Variants in PRKCE observed in about 807,000 individuals in gnomAD.
PRKCE encodes the protein protein kinase C epsilon.
Under a neutral mutation model 85.4 loss-of-function variants are expected in PRKCE, and 16 were observed. That is an observed-to-expected ratio of 0.19 (90% CI 0.13 to 0.28). The LOEUF is 0.28. Among genes scored for constraint, PRKCE ranks in the 10% least tolerant of loss-of-function variants. The pLI is 1.00. For missense variants in PRKCE, 573 were observed against 975.2 expected, an observed-to-expected ratio of 0.59 and a Z score of 5.49; for synonymous variants, 388 against 371.5, an observed-to-expected ratio of 1.04 and a Z score of -0.51.
At chr2:46,132,595 G>A (rs1037554065) in intron 11 of PRKCE, among the ~76,000 whole-genome samples, 2 of 152,146 alleles carry the variant, frequency 1.3e-5, no homozygotes, top group Non-Finnish European at 1.5e-5. Context: ...GGCCTCATTC[G>A]CCTGAGCCTG....
intron 6 of PRKCE, among the ~76,000 whole-genome samples, chr2:45,996,659 G>A (rs1214995919): frequency 6.6e-6 from 1 of 151,944 alleles, no homozygotes; most frequent in Non-Finnish European, 1.5e-5. Flanking sequence ...TTCAAATGTT[G>A]AACCAGCCTT....
At chr2:46,058,614 A>T (rs945868767) in intron 10 of PRKCE, among the ~76,000 whole-genome samples, 1 of 152,152 alleles carries the variant, frequency 6.6e-6, no homozygotes, top group Non-Finnish European at 1.5e-5. Context: ...GGAGTGTCGG[A>T]CTACTCACCA....
chr2:45,858,805 C>G (rs994047743), intron 2 of PRKCE, among the ~76,000 whole-genome samples: 2 of 152,208 alleles, frequency 1.3e-5, no homozygotes, highest in Admixed American at 1.3e-4. Context: ...CTTTGGGAGG[C>G]CAAGGCGGGC....
chr2:45,779,659 A>G (rs1344049238), intron 1 of PRKCE, among the ~76,000 whole-genome samples: 5 of 151,980 alleles, frequency 3.3e-5, no homozygotes, highest in African/African-American at 9.7e-5. Context: ...CCCAGAAAAC[A>G]TGATTAATAG....
At chr2:46,124,573 A>T (rs1398298326) in intron 11 of PRKCE, among the ~76,000 whole-genome samples, 1 of 152,100 alleles carries the variant, frequency 6.6e-6, no homozygotes, top group African/African-American at 2.4e-5. Flanking sequence ...TTCATTCCCC[A>T]GTTAGAGACC....
intron 10 of PRKCE, among the ~76,000 whole-genome samples, chr2:46,011,995 C>A (rs1172917442): frequency 6.6e-6 from 1 of 152,144 alleles, no homozygotes; most frequent in Non-Finnish European, 1.5e-5. Context: ...CCTTTTTCTG[C>A]ACAAGTATAA....
chr2:45,947,317 G>T (rs1444867107), intron 2 of PRKCE, among the ~76,000 whole-genome samples: 1 of 152,204 alleles, frequency 6.6e-6, no homozygotes, highest in African/African-American at 2.4e-5. Flanking sequence ...AGGGGGTGGG[G>T]GAGAGAGGCA....
At chr2:45,969,947 C>T (rs529097204) in intron 2 of PRKCE, among the ~76,000 whole-genome samples, 8 of 152,228 alleles carry the variant, frequency 5.3e-5, no homozygotes, top group African/African-American at 1.4e-4. Flanking sequence ...AGACCATTGG[C>T]CTAATAGTAG....
chr2:45,888,056 C>T lies in PRKCE; in HGVS notation c.412+44993C>T, dbSNP rs146421865. ...GATCATTAGAAATGGACCTAGATTT[C>T]CAGAGTCAGCAGATGAAAACAGAAC... On this transcript the variant is annotated intron_variant, in intron 2 of 14. Transcript: ENST00000306156. Among the ~76,000 whole-genome samples the T allele has an allele frequency of 3.6e-3, 542 of 152,284 alleles. 3 individuals carry two copies. Among genetic ancestry groups the T allele is most frequent in the African/African-American group, 0.012 (517 of 41,542 alleles).
At chr2:45,955,307 T>G (rs1033335587) in intron 2 of PRKCE, among the ~76,000 whole-genome samples, 5 of 151,910 alleles carry the variant, frequency 3.3e-5, no homozygotes, top group African/African-American at 1.2e-4. Flanking sequence ...AATGAGAAGT[T>G]TGGAGGGAGG....
Position 46,097,737 on chromosome 2 carries a change from A to T in PRKCE, c.1592+11375A>T, listed in dbSNP as rs114915512. ...CATATAGATGAAGAGCTTGTCCCCTACTAAAGGAATGCCAAATACCAGCAT... is the reference window on the plus strand; with the variant it reads ...CATATAGATGAAGAGCTTGTCCCCTTCTAAAGGAATGCCAAATACCAGCAT... On this transcript the variant is annotated intron_variant, in intron 11 of 14. Coordinates refer to ENST00000306156, the MANE Select transcript of PRKCE (RefSeq NM_005400.3). Among the ~76,000 whole-genome samples, 370 of 152,282 alleles carry T rather than the reference A, an allele frequency of 2.4e-3. 1 individual carries two copies. Among genetic ancestry groups the T allele is most frequent in the African/African-American group, 8.4e-3 (349 of 41,570 alleles).
At chr2:45,842,608 G>A (rs2105483499) in intron 1 of PRKCE, among the ~76,000 whole-genome samples, 1 of 152,272 alleles carries the variant, frequency 6.6e-6, no homozygotes, top group South Asian at 2.1e-4. Flanking sequence ...CAACATCATT[G>A]ATGACATTTG....
At chr2:46,161,788 A>G (rs112859942) in intron 14 of PRKCE, among the ~76,000 whole-genome samples, 4,272 of 152,226 alleles carry the variant, frequency 0.028, 239 homozygotes, top group African/African-American at 0.098. Flanking sequence ...TCCCTGAGGT[A>G]TAGCAGATTC....
At chr2:45,740,249 T>C (rs914150304) in intron 1 of PRKCE, among the ~76,000 whole-genome samples, 2 of 152,000 alleles carry the variant, frequency 1.3e-5, no homozygotes, top group African/African-American at 4.8e-5. Flanking sequence ...ACTGGAGCAG[T>C]GAAGCTGTGC....
At chr2:45,941,135 C>T (rs953822153) in intron 2 of PRKCE, among the ~76,000 whole-genome samples, 5 of 149,062 alleles carry the variant, frequency 3.4e-5, no homozygotes, top group Non-Finnish European at 5.9e-5. Context: ...ATATACTAAC[C>T]GAAAGAGGGC....
chr2:46,169,576 T>C (rs1678688619), intron 14 of PRKCE, among the ~76,000 whole-genome samples: 1 of 152,126 alleles, frequency 6.6e-6, no homozygotes, highest in African/African-American at 2.4e-5. Context: ...CTATGAAATA[T>C]ATTTGCCTTA....
At chr2:45,664,815 A>C (rs1391480048) in intron 1 of PRKCE, among the ~76,000 whole-genome samples, 2 of 152,228 alleles carry the variant, frequency 1.3e-5, no homozygotes, top group Non-Finnish European at 2.9e-5. Flanking sequence ...CTGAGGCTTA[A>C]GGCTTTTTTT....
chr2:45,750,032 TC>T (rs1683425272), intron 1 of PRKCE, among the ~76,000 whole-genome samples: 1 of 152,232 alleles, frequency 6.6e-6, no homozygotes, highest in Non-Finnish European at 1.5e-5. Flanking sequence ...GGTTGATTTT[TC>T]TAGGCTCTTA....
intron 1 of PRKCE, chr2:45,686,442 T>A (rs971371663): frequency 6.6e-6 from 1 of 152,190 alleles, no homozygotes; most frequent in African/African-American, 2.4e-5. Flanking sequence ...AAGGTATACA[T>A]GCAGAAAGAG....
Sources: gnomAD v4.1 joint callset for allele counts (sites outside exome capture counted in the v4.1 genomes callset) on GRCh38, gnomAD v4.1.1 for gene constraint, MANE v1.5 for transcripts, NCBI Gene and HGNC (gene_info 2026-07-23, HGNC 2026-07-21) for gene names.